Variants in SNX6 observed in about 807,000 individuals in gnomAD.
SNX6 encodes the protein sorting nexin-6.
SNX6 carries 34 observed loss-of-function variants against 63.0 expected under a neutral mutation model. The ratio of observed to expected loss-of-function variants is 0.54; its 90% CI spans 0.41 to 0.72. The LOEUF (loss-of-function observed/expected upper bound fraction) is 0.72, where lower values mean the gene tolerates loss of function less well. Ranked by LOEUF, SNX6 falls within the 30% of genes least tolerant of loss-of-function variation. The probability of loss-of-function intolerance (pLI) is 0.00; values close to 1 mark genes in which losing one functional copy is unlikely to be tolerated. For synonymous variants in SNX6, 170 were observed against 164.2 expected (o/e 1.04, Z -0.27); for missense variants, 398 against 471.4 (o/e 0.84, Z 1.44).
intron 4 of SNX6, 36 bp from the exon 5 acceptor site, chr14:34,605,753 T>C: frequency 5.7e-6 from 9 of 1,582,348 alleles, no homozygotes; most frequent in Non-Finnish European, 7.7e-6. Flanking sequence ...TTAAGGAAAT[T>C]TTCATTTCTT....
chr14:34,574,619 C>CA (rs33959613), intron 11 of SNX6, among the ~76,000 whole-genome samples: 1,917 of 78,668 alleles, frequency 0.024, 28 homozygotes, highest in Non-Finnish European at 0.03. Flanking sequence ...GACTCCATCT[C>CA]AAAAAAAAAA....
chr14:34,598,292 C>T (rs1286688344), intron 6 of SNX6, among the ~76,000 whole-genome samples: 1 of 152,176 alleles, frequency 6.6e-6, no homozygotes, highest in African/African-American at 2.4e-5. Context: ...TTCCCATGTA[C>T]TTCCATTGCT....
rs1010423889 is a variant in SNX6 at position 34,575,283 on chromosome 14, C to G, written c.921+473G>C. Among the ~76,000 whole-genome samples, 16 of 151,010 alleles carry G rather than the reference C, an allele frequency of 1.1e-4. No individual in the cohort carries two copies. The South Asian group carries it at 1.3e-3, about 12-fold the overall frequency. ...GCACGCGATCTCAGCTCACTGCAACCTCTGCCTCCCGGGTTCAAGTGATTC... is the reference window on the plus strand; with the variant it reads ...GCACGCGATCTCAGCTCACTGCAACGTCTGCCTCCCGGGTTCAAGTGATTC... On this transcript the variant is annotated intron_variant, in intron 11 of 13. Transcript: ENST00000362031.
At chr14:34,563,327 G>A in intron 13 of SNX6, 152 bp from the exon 14 acceptor site, 1 of 646,506 alleles carries the variant, frequency 1.5e-6, no homozygotes. Context: ...GGGAGGCCGA[G>A]GCGGGTGGAT....
intron 2 of SNX6, among the ~76,000 whole-genome samples, chr14:34,615,774 G>A (rs929424507): frequency 2.0e-5 from 3 of 151,946 alleles, no homozygotes; most frequent in African/African-American, 7.2e-5. Context: ...GCCTGTAATA[G>A]GACTTATGAC....
At chr14:34,573,742 A>G (rs1333719089) in intron 11 of SNX6, among the ~76,000 whole-genome samples, 2 of 151,680 alleles carry the variant, frequency 1.3e-5, no homozygotes, top group Non-Finnish European at 2.9e-5. Flanking sequence ...TCCTGGGTTC[A>G]AACAATTCTC....
At chr14:34,564,173 G>C (rs936919615) in intron 13 of SNX6, among the ~76,000 whole-genome samples, 1 of 151,952 alleles carries the variant, frequency 6.6e-6, no homozygotes, top group Admixed American at 6.6e-5. Context: ...GATTACAGGC[G>C]CGTGCCACCA....
chr14:34,597,644 A>C lies in SNX6; in HGVS notation c.518T>G (p.Leu173Trp). 6.5e-7 allele frequency: 1 copy of C among 1,547,130 alleles called. No homozygotes were observed. Among genetic ancestry groups the C allele is most frequent in the Non-Finnish European group, 8.9e-7 (1 of 1,126,474 alleles). The change falls in exon 7 of 14, where the codon TTG becomes TGG. Residue 173 changes from leucine (L) to tryptophan (W), a missense_variant and splice_region_variant. Physicochemically the swap from Leu to Trp is moderately conservative, Grantham distance 61. Coordinates refer to ENST00000362031, the MANE Select transcript of SNX6 (RefSeq NM_152233.4). ...FHVFLEYNQD[L>W]SVRGKNKKEK... ...TTTTTTATTTTTTCCTCGCACACTC[A>C]ACTGAAAGAAAGGTAATTTAACATT...
intron 11 of SNX6, among the ~76,000 whole-genome samples, chr14:34,571,454 A>C (rs1881449167): frequency 6.6e-6 from 1 of 152,002 alleles, no homozygotes; most frequent in Non-Finnish European, 1.5e-5. Context: ...ACAACAAAAA[A>C]CGGAAAGACA....
chr14:34,599,931 C>T lies in SNX6; in HGVS notation c.517-2286G>A, dbSNP rs146969186. Among the ~76,000 whole-genome samples, 685 of 152,176 alleles carry T rather than the reference C, an allele frequency of 4.5e-3. 1 individual carries two copies. The highest frequency in any genetic ancestry group is 8.5e-3 in the Non-Finnish European group (579 of 68,006). On this transcript the variant is annotated intron_variant, in intron 6 of 13. Coordinates refer to ENST00000362031, the MANE Select transcript of SNX6 (RefSeq NM_152233.4). ...AATTTTTATAACTTCTTCCTTTCTT[C>T]ATAGCTCAAATTCTAACAGCAAATG...
rs906115858 is a variant in SNX6, at chr14:34,581,574, A to T, written c.821T>A (p.Phe274Tyr). The T allele has an allele frequency of 8.2e-6, 12 of 1,470,254 alleles. No individual in the cohort carries two copies. The highest frequency in any genetic ancestry group is 2.8e-5 in the African/African-American group (2 of 72,322). 91.1% of individuals were successfully genotyped at this position (1,470,254 alleles called of 1,614,324 possible). A position where few individuals can be genotyped will look rare whatever the true frequency, so the allele number is the denominator to read the frequency against. The change falls in exon 10 of 14, where the codon TTC (phenylalanine) becomes TAC (tyrosine). Residue 274 changes from phenylalanine (F) to tyrosine (Y), a missense_variant. By Grantham distance (22) the Phe-to-Tyr change is conservative (BLOSUM62 3). Transcript: ENST00000362031. Reference sequence around the variant, plus strand: ...TTTAGTACTTACTCTTGTTTTATCGAACAGTTCTGAAACTTTGAGAAAAAA... The same window carrying T: ...TTTAGTACTTACTCTTGTTTTATCGTACAGTTCTGAAACTTTGAGAAAAAA... ...CKFFLKVSEL[F>Y]DKTRKIEARV... is the part of the protein sequence containing the mutation.
chr14:34,614,842 T>A (rs528250428), intron 2 of SNX6, among the ~76,000 whole-genome samples: 2 of 152,092 alleles, frequency 1.3e-5, no homozygotes, highest in African/African-American at 4.8e-5. Flanking sequence ...GAGTTTGAGG[T>A]TGCAGTGAGC....
chr14:34,594,615 G>T (rs1332812365), intron 7 of SNX6, among the ~76,000 whole-genome samples: 1 of 152,054 alleles, frequency 6.6e-6, no homozygotes, highest in East Asian at 1.9e-4. Context: ...ACCTGCCTCA[G>T]CCTCCCAAAG....
intron 11 of SNX6, among the ~76,000 whole-genome samples, chr14:34,568,221 C>T (rs1358841435): frequency 1.3e-5 from 2 of 150,550 alleles, no homozygotes; most frequent in Admixed American, 6.7e-5. Context: ...CTTGGCTCAC[C>T]GCAACCTCTG....
At chr14:34,564,527 T>C (rs1166248156) in intron 13 of SNX6, among the ~76,000 whole-genome samples, 1 of 152,020 alleles carries the variant, frequency 6.6e-6, no homozygotes, top group East Asian at 1.9e-4. Context: ...CAGAAAGAAC[T>C]TGAAAAAGTA....
chr14:34,563,558 C>CAAAAAAAA (rs534547624), intron 13 of SNX6, among the ~76,000 whole-genome samples: 1 of 83,394 alleles, frequency 1.2e-5, no homozygotes, highest in South Asian at 3.5e-4. Context: ...GACTGCGTCT[C>CAAAAAAAA]AAAAAAAAAA....
At position 34,581,540 on chromosome 14, in the gene SNX6, T is replaced by C; in HGVS notation, c.834+21A>G. ...TCTGGGCACAATATTATGCAGTATA[T>C]CTCTATAATTTAGTACTTACTCTTG... On this transcript the variant is annotated intron_variant, in intron 10 of 13. Coordinates refer to ENST00000362031, the MANE Select transcript of SNX6 (RefSeq NM_152233.4). 2 of 1,323,894 alleles carry C rather than the reference T, an allele frequency of 1.5e-6. No individual in the cohort carries two copies. The highest frequency in any genetic ancestry group is 2.2e-6 in the Non-Finnish European group (2 of 930,198). 82.0% of individuals were successfully genotyped at this position (1,323,894 alleles called of 1,614,324 possible). A position where few individuals can be genotyped will look rare whatever the true frequency, so the allele number is the denominator to read the frequency against.
chr14:34,621,918 T>G (rs1315527919), intron 2 of SNX6, among the ~76,000 whole-genome samples: 4 of 150,756 alleles, frequency 2.7e-5, no homozygotes, highest in Non-Finnish European at 3.0e-5. Context: ...ATTAGAATAA[T>G]CTACAATGTT....
At chr14:34,587,997 G>T (rs889689306) in intron 8 of SNX6, among the ~76,000 whole-genome samples, 9 of 149,004 alleles carry the variant, frequency 6.0e-5, no homozygotes, top group African/African-American at 1.7e-4. Flanking sequence ...TTTTAGTAGA[G>T]ATGGGGTTTC....
Sources: allele counts gnomAD v4.1 joint callset (sites outside exome capture counted in the v4.1 genomes callset), GRCh38; gene constraint gnomAD v4.1.1; transcripts MANE v1.5; gene names NCBI Gene and HGNC (gene_info 2026-07-23, HGNC 2026-07-21).